Variants in DNAH5 observed in about 807,000 individuals in gnomAD.
The protein encoded by DNAH5 is dynein axonemal heavy chain 5.
Under a neutral mutation model 518.2 loss-of-function variants are expected in DNAH5, and 372 were observed. The observed-to-expected ratio is 0.72, with a 90% CI of 0.66 to 0.78. DNAH5 has a LOEUF of 0.78. Ranked by LOEUF, DNAH5 falls within the 30% of genes least tolerant of loss-of-function variation. The pLI, the probability that DNAH5 is intolerant of heterozygous loss-of-function variation, is 0.00. For missense variants in DNAH5, 5,523 were observed against 5,687.0 expected (o/e 0.97, Z 0.93); for synonymous variants, 2,039 against 2,025.9 (o/e 1.01, Z -0.17).
intron 47 of DNAH5, 64 bp from the exon 48 acceptor site, chr5:13,794,122 T>TA (rs1580278701): frequency 1.9e-6 from 3 of 1,607,230 alleles, no homozygotes; most frequent in Non-Finnish European, 2.6e-6. Flanking sequence ...TCAATTATTT[T>TA]AAAAAACAAC....
intron 64 of DNAH5, 33 bp from the exon 65 acceptor site, chr5:13,751,293 AAT>A (rs1561172760): frequency 1.3e-6 from 2 of 1,538,902 alleles, no homozygotes; most frequent in East Asian, 4.9e-5. Context: ...AAAGTAATAA[AAT>A]AGAGATATAC....
At chr5:13,805,033 G>A (rs1561304239) in intron 47 of DNAH5, among the ~76,000 whole-genome samples, 1 of 152,190 alleles carries the variant, frequency 6.6e-6, no homozygotes, top group Non-Finnish European at 1.5e-5. Context: ...TGGCTCCTGG[G>A]ATGGAGTCTT....
chr5:13,739,316 A>G (rs1188231028), intron 65 of DNAH5, among the ~76,000 whole-genome samples: 1 of 152,180 alleles, frequency 6.6e-6, no homozygotes, highest in Non-Finnish European at 1.5e-5. Context: ...TTCTCATAAC[A>G]GTGAGTGAAT....
In DNAH5 at chr5:13,829,827, T is replaced by A. The variant is rs1458949108; in HGVS notation, c.6250-123A>T. On this transcript the variant is annotated intron_variant, in intron 37 of 78. Coordinates refer to ENST00000265104, the MANE Select transcript of DNAH5 (RefSeq NM_001369.3). The stretch of plus-strand genomic sequence containing the variant: ...GACAACCAGGGAACTCATTTACGTA[T>A]CTCAATCTCGTTTTACCTGGACAGG... 2.7e-6 allele frequency: 3 copies of A among 1,129,572 alleles called. No individual in the cohort carries two copies. In the Admixed American group the frequency reaches 5.9e-5, roughly 22 times the overall value. 70.0% of individuals were successfully genotyped at this position (1,129,572 alleles called of 1,614,324 possible).
chr5:13,807,820 C>G, intron 46 of DNAH5, 95 bp from the exon 47 acceptor site: 1 of 1,026,484 alleles, frequency 9.7e-7, no homozygotes, highest in Non-Finnish European at 1.5e-6. Context: ...AATCTTCAAC[C>G]CCTAGTACCT....
chr5:13,792,774 T>A (rs1235307236), intron 49 of DNAH5, among the ~76,000 whole-genome samples: 1 of 152,224 alleles, frequency 6.6e-6, no homozygotes, highest in African/African-American at 2.4e-5. Flanking sequence ...ACTGCCATAC[T>A]TCACTAGCCT....
rs773929052 is a variant in DNAH5 at position 13,735,157 on chromosome 5, T to C, written c.11735A>G (p.His3912Arg). 1.5e-5 allele frequency: 25 copies of C among 1,614,044 alleles called. No individual in the cohort carries two copies. In the East Asian group the frequency reaches 5.6e-4, roughly 36 times the overall value. ...TTTAATAAGAGTGAGAAACTCTTCA[T>C]GCTTGACTCGGTTCCTCTGGATGTC... ...KIDIQRNRVK[H>R]EEFLTLIKGG... is the part of the protein sequence containing the mutation. Residue 3912 changes from histidine to arginine, a missense_variant, in exon 68 of 79, where the codon CAT becomes CGT. By Grantham distance (29) the His-to-Arg change is conservative (BLOSUM62 0). Transcript: ENST00000265104.
At chr5:13,782,286 C>T (rs1301443521) in intron 52 of DNAH5, among the ~76,000 whole-genome samples, 1 of 152,152 alleles carries the variant, frequency 6.6e-6, no homozygotes, top group Non-Finnish European at 1.5e-5. Context: ...TCTCAGAATT[C>T]CCTCACTAGC....
intron 16 of DNAH5, among the ~76,000 whole-genome samples, chr5:13,891,525 G>T (rs1450002101): frequency 6.6e-6 from 1 of 152,128 alleles, no homozygotes; most frequent in Non-Finnish European, 1.5e-5. Flanking sequence ...CATACTTAAA[G>T]ATCCGGCTCA....
intron 47 of DNAH5, among the ~76,000 whole-genome samples, chr5:13,794,824 G>A (rs1240900795): frequency 1.1e-4 from 17 of 152,114 alleles, no homozygotes; most frequent in East Asian, 3.9e-4. Context: ...AAAATTAGCC[G>A]GGTGTGGTGG....
intron 1 of DNAH5, among the ~76,000 whole-genome samples, chr5:13,983,368 G>A (rs190674424): frequency 6.6e-6 from 1 of 152,294 alleles, no homozygotes; most frequent in East Asian, 1.9e-4. Context: ...TTAGTTCTCA[G>A]GAACCCCTTA....
chr5:13,846,826 T>C (rs150908158), intron 31 of DNAH5, among the ~76,000 whole-genome samples: 143 of 152,350 alleles, frequency 9.4e-4, no homozygotes, highest in South Asian at 4.6e-3. Context: ...TTTTCTTCTA[T>C]TCCCCCTCAC....
At chr5:13,726,584 C>T (rs909808284) in intron 70 of DNAH5, among the ~76,000 whole-genome samples, 1 of 152,126 alleles carries the variant, frequency 6.6e-6, no homozygotes, top group African/African-American at 2.4e-5. Flanking sequence ...TTCAGTTGGG[C>T]AGGATAAAAG....
At position 13,754,325 on chromosome 5, in the gene DNAH5, T is replaced by A; in HGVS notation, c.10433A>T (p.Asp3478Val). The A allele has an allele frequency of 6.2e-7, 1 of 1,614,110 alleles. No individual in the cohort carries two copies. The highest frequency in any genetic ancestry group is 8.5e-7 in the Non-Finnish European group (1 of 1,179,984). Residue 3478 changes from aspartate (D) to valine (V), a missense_variant, in exon 62 of 79, where the codon GAT becomes GTT. This residue lies in a region of DNAH5 where 5,121 missense variants were observed against 5,223.3 expected (regional missense o/e 0.98). Coordinates refer to ENST00000265104, the MANE Select transcript of DNAH5 (RefSeq NM_001369.3). ...AMTEKQTLLE[D>V]AERCRHKMQT... ...CATCTTGTGTCTGCATCGCTCTGCA[T>A]CTTCAAGCAAGGTCTAACAAAGGTC...
chr5:13,838,054 A>C (rs1764646570), intron 35 of DNAH5, among the ~76,000 whole-genome samples: 1 of 152,116 alleles, frequency 6.6e-6, no homozygotes, highest in African/African-American at 2.4e-5. Flanking sequence ...ATTGTATATT[A>C]TTGTGGGGCA....
chr5:13,934,598 A>G (rs1278324916), intron 1 of DNAH5, among the ~76,000 whole-genome samples: 3 of 152,236 alleles, frequency 2.0e-5, no homozygotes, highest in African/African-American at 7.2e-5. Flanking sequence ...GTATGGTAGT[A>G]ATAGAGAGGA....
chr5:13,932,641 T>C (rs1580952298), intron 1 of DNAH5, among the ~76,000 whole-genome samples: 1 of 152,350 alleles, frequency 6.6e-6, no homozygotes, highest in East Asian at 1.9e-4. Flanking sequence ...ATGAGTTTCA[T>C]ATCAAGAGAG....
At chr5:13,962,198 G>T (rs1335128159) in intron 1 of DNAH5, among the ~76,000 whole-genome samples, 2 of 152,046 alleles carry the variant, frequency 1.3e-5, no homozygotes, top group African/African-American at 2.4e-5. Flanking sequence ...TGTTTTTTGT[G>T]TGTGGGAAGA....
At chr5:13,954,135 C>T (rs1242722129) in intron 1 of DNAH5, among the ~76,000 whole-genome samples, 3 of 152,182 alleles carry the variant, frequency 2.0e-5, no homozygotes, top group African/African-American at 7.2e-5. Context: ...GGAAATGTTA[C>T]ATATTTTAAG....
Sources: allele counts gnomAD v4.1 joint callset (sites outside exome capture counted in the v4.1 genomes callset), GRCh38; gene constraint gnomAD v4.1.1; regional missense constraint gnomAD v4.1.1; transcripts MANE v1.5; gene names NCBI Gene and HGNC (gene_info 2026-07-23, HGNC 2026-07-21).